NPAS3: variants seen among roughly 807,000 people sequenced by gnomAD.
The protein encoded by NPAS3 is neuronal PAS domain protein 3, also known as neuronal PAS domain-containing protein 3.
A neutral mutation model predicts 73.1 loss-of-function variants in NPAS3; 14 were observed. That is an observed-to-expected ratio of 0.19 (90% CI 0.13 to 0.30). NPAS3 has a LOEUF of 0.30. Among genes scored for constraint, NPAS3 ranks in the 10% least tolerant of loss-of-function variants. The probability of loss-of-function intolerance (pLI) is 1.00; values close to 1 mark genes in which losing one functional copy is unlikely to be tolerated. For missense variants in NPAS3, 1,096 were observed against 1,250.0 expected, an observed-to-expected ratio of 0.88 and a Z score of 1.86; for synonymous variants, 620 against 541.5, an observed-to-expected ratio of 1.14 and a Z score of -2.01.
In NPAS3 at chr14:33,250,132, A is replaced by G. The variant is rs2048529713; in HGVS notation, c.385+34706A>G. Reference sequence around the variant, plus strand: ...GGTAGGTAGATAATGAGAGTGAAGCATTGAAATGTGCCTAAATAACATGCT... The same window carrying G: ...GGTAGGTAGATAATGAGAGTGAAGCGTTGAAATGTGCCTAAATAACATGCT... On this transcript the variant is annotated intron_variant, in intron 3 of 11. Transcript: ENST00000356141. 2.0e-5 allele frequency among the ~76,000 whole-genome samples: 3 copies of G among 152,250 alleles called. 1 individual carries two copies. The East Asian group carries it at 5.8e-4, about 29-fold the overall frequency.
intron 2 of NPAS3, among the ~76,000 whole-genome samples, chr14:33,174,455 T>A (rs2045513338): frequency 6.6e-6 from 1 of 152,254 alleles, no homozygotes; most frequent in Admixed American, 6.5e-5. Context: ...AGATTATTCA[T>A]GAATGCATTC....
chr14:33,110,647 G>T (rs1232025554), intron 2 of NPAS3, among the ~76,000 whole-genome samples: 1 of 152,088 alleles, frequency 6.6e-6, no homozygotes, highest in African/African-American at 2.4e-5. Flanking sequence ...AAAATACATT[G>T]TTGAAGACCT....
At chr14:33,341,535 G>A (rs965054563) in intron 3 of NPAS3, among the ~76,000 whole-genome samples, 1 of 152,102 alleles carries the variant, frequency 6.6e-6, no homozygotes, top group Non-Finnish European at 1.5e-5. Context: ...GAGGGAGAGG[G>A]AGAGGGAAAG....
chr14:33,154,421 C>T (rs1029878884), intron 2 of NPAS3, among the ~76,000 whole-genome samples: 8 of 152,310 alleles, frequency 5.3e-5, no homozygotes, highest in Admixed American at 2.0e-4. Context: ...GTTTAATGGT[C>T]GGAAGCTGCG....
At chr14:33,722,478 A>T (rs7151397) in intron 6 of NPAS3, among the ~76,000 whole-genome samples, 10,432 of 152,204 alleles carry the variant, frequency 0.069, 436 homozygotes, top group South Asian at 0.2. Context: ...AAAATATACA[A>T]ATGACCTAAT....
intron 2 of NPAS3, among the ~76,000 whole-genome samples, chr14:33,151,250 C>A (rs1452748493): frequency 6.6e-6 from 1 of 152,174 alleles, no homozygotes; most frequent in Non-Finnish European, 1.5e-5. Flanking sequence ...CACAAGGAGG[C>A]CTTCTGAGGC....
intron 2 of NPAS3, among the ~76,000 whole-genome samples, chr14:33,159,032 G>A (rs376239739): frequency 5.5e-4 from 83 of 152,092 alleles, no homozygotes; most frequent in South Asian, 4.4e-3. Context: ...GCATGGTGGC[G>A]CATGCCTGTA....
At chr14:33,764,234 C>T (rs144100977) in intron 7 of NPAS3, among the ~76,000 whole-genome samples, 1 of 152,136 alleles carries the variant, frequency 6.6e-6, no homozygotes, top group Non-Finnish European at 1.5e-5. Flanking sequence ...CCATCTTCGG[C>T]GGAGGGGTAC....
intron 4 of NPAS3, among the ~76,000 whole-genome samples, chr14:33,507,297 TTA>T (rs1379112624): frequency 6.6e-6 from 1 of 152,044 alleles, no homozygotes; most frequent in Non-Finnish European, 1.5e-5. Context: ...CTGTTTTCCT[TTA>T]TGTTTCTAGT....
intron 2 of NPAS3, among the ~76,000 whole-genome samples, chr14:33,183,432 T>G (rs1355936566): frequency 8.1e-5 from 5 of 61,750 alleles, no homozygotes; most frequent in Non-Finnish European, 1.1e-4. Flanking sequence ...TTTTTTTTTT[T>G]TTTTTTTTTT....
chr14:33,444,070 C>T (rs1566908664), intron 4 of NPAS3, among the ~76,000 whole-genome samples: 1 of 152,128 alleles, frequency 6.6e-6, no homozygotes, highest in African/African-American at 2.4e-5. Flanking sequence ...GAAATTTACA[C>T]TTTGTCTTTT....
At chr14:33,674,410 T>C (rs969344033) in intron 5 of NPAS3, among the ~76,000 whole-genome samples, 3 of 152,226 alleles carry the variant, frequency 2.0e-5, no homozygotes, top group African/African-American at 7.2e-5. Flanking sequence ...TTCACTAATC[T>C]CCAAACAAAA....
chr14:33,322,729 A>G (rs1187430237), intron 3 of NPAS3, among the ~76,000 whole-genome samples: 1 of 152,290 alleles, frequency 6.6e-6, no homozygotes, highest in Non-Finnish European at 1.5e-5. Context: ...AAACTACAGT[A>G]GGTGAACCAA....
intron 2 of NPAS3, among the ~76,000 whole-genome samples, chr14:33,199,051 C>T (rs1039405651): frequency 6.6e-6 from 1 of 152,170 alleles, no homozygotes; most frequent in Non-Finnish European, 1.5e-5. Context: ...GCCCGCCGAG[C>T]CCACGCCCAC....
chr14:33,639,382 A>G (rs1595340208), intron 5 of NPAS3, among the ~76,000 whole-genome samples: 1 of 152,146 alleles, frequency 6.6e-6, no homozygotes, highest in Non-Finnish European at 1.5e-5. Flanking sequence ...CTAAAAAAAA[A>G]TTGTCTAGAT....
At chr14:33,079,380 A>T (rs1168832735) in intron 2 of NPAS3, among the ~76,000 whole-genome samples, 4 of 138,558 alleles carry the variant, frequency 2.9e-5, no homozygotes, top group Admixed American at 7.6e-5. Context: ...GTGCAGTGGC[A>T]TGATCTCGGC....
chr14:33,753,300 C>T (rs1033462307), intron 7 of NPAS3, among the ~76,000 whole-genome samples: 1 of 149,920 alleles, frequency 6.7e-6, no homozygotes, highest in Non-Finnish European at 1.5e-5. Context: ...AAAATCTGCT[C>T]TGTAGCTGTC....
At chr14:32,938,731 T>TGACGGGG (rs1314486838), upstream of NPAS3, among the ~76,000 whole-genome samples, 3 of 147,990 alleles carry the variant, frequency 2.0e-5, no homozygotes, top group East Asian at 2.1e-4. Context: ...TAGAAAGGGG[T>TGACGGGG]GACGGGGGAC....
intron 3 of NPAS3, among the ~76,000 whole-genome samples, chr14:33,351,294 G>T (rs2045037381): frequency 1.3e-5 from 2 of 152,126 alleles, no homozygotes; most frequent in South Asian, 2.1e-4. Flanking sequence ...GCCCAGATGG[G>T]GTCGACGACA....
Sources: gnomAD v4.1 joint callset for allele counts (sites outside exome capture counted in the v4.1 genomes callset) on GRCh38, gnomAD v4.1.1 for gene constraint, MANE v1.5 for transcripts, NCBI Gene and HGNC (gene_info 2026-07-23, HGNC 2026-07-21) for gene names.